Variants in KCNB2 observed in about 807,000 individuals in gnomAD.
The protein encoded by KCNB2 is potassium voltage-gated channel subfamily B member 2.
KCNB2 carries 15 observed loss-of-function variants against 61.5 expected under a neutral mutation model. The observed-to-expected ratio is 0.24, with a 90% CI of 0.16 to 0.38. KCNB2 has a LOEUF of 0.38. Ranked by LOEUF, KCNB2 falls within the 10% of genes least tolerant of loss-of-function variation. The pLI is 1.00. For synonymous variants in KCNB2, 457 were observed against 446.0 expected (o/e 1.02, Z -0.31); for missense variants, 828 against 1,125.2 (o/e 0.74, Z 3.78).
In KCNB2 at chr8:72,785,726, C is replaced by T. The variant is rs1056017152; in HGVS notation, c.580-150209C>T. Among the ~76,000 whole-genome samples, 6 of 152,140 alleles carry T rather than the reference C, an allele frequency of 3.9e-5. 1 individual carries two copies. In the South Asian group the frequency reaches 1.2e-3, roughly 32 times the overall value. On this transcript the variant is annotated intron_variant, in intron 2 of 2. Transcript: ENST00000523207. ...TATATTGTCTTCTCAAGCAAAGTAA[C>T]TTTGTCTCCATAAATCCGTTTTTCC... is the stretch of plus-strand genomic sequence containing the variant.
intron 2 of KCNB2, among the ~76,000 whole-genome samples, chr8:72,873,162 A>AT (rs1160527243): frequency 6.6e-6 from 1 of 152,168 alleles, no homozygotes; most frequent in Admixed American, 6.5e-5. Flanking sequence ...TTGTCTTCAA[A>AT]TCCCTCATTC....
intron 2 of KCNB2, among the ~76,000 whole-genome samples, chr8:72,727,722 A>C (rs951320788): frequency 1.3e-5 from 2 of 152,218 alleles, no homozygotes; most frequent in Non-Finnish European, 2.9e-5. Context: ...ACACAAATTC[A>C]TAGTACAATA....
At chr8:72,908,382 C>T (rs1806220717) in intron 2 of KCNB2, among the ~76,000 whole-genome samples, 2 of 152,110 alleles carry the variant, frequency 1.3e-5, no homozygotes, top group African/African-American at 4.8e-5. Flanking sequence ...TTACTATTAT[C>T]TATCTCCCCA....
intron 2 of KCNB2, among the ~76,000 whole-genome samples, chr8:72,668,526 A>T (rs1806515023): frequency 6.6e-6 from 1 of 152,102 alleles, no homozygotes; most frequent in South Asian, 2.1e-4. Context: ...TTAATCCTTT[A>T]CTGCACACTC....
At chr8:72,726,997 G>C (rs1807661470) in intron 2 of KCNB2, among the ~76,000 whole-genome samples, 1 of 152,112 alleles carries the variant, frequency 6.6e-6, no homozygotes, top group Admixed American at 6.5e-5. Context: ...CTCTCTATTT[G>C]CCTCTCTTTC....
At chr8:72,667,734 A>C (rs1379355409) in intron 2 of KCNB2, among the ~76,000 whole-genome samples, 6 of 152,124 alleles carry the variant, frequency 3.9e-5, no homozygotes, top group Non-Finnish European at 8.8e-5. Context: ...ATGCTTCCAC[A>C]CTTACCCAGT....
At chr8:72,922,785 G>C (rs911551464) in intron 2 of KCNB2, among the ~76,000 whole-genome samples, 2 of 152,078 alleles carry the variant, frequency 1.3e-5, no homozygotes, top group Admixed American at 1.3e-4. Context: ...TTTCCCAAAG[G>C]GATCTGTAAA....
At chr8:72,543,915 C>T (rs117647640) in intron 1 of KCNB2, among the ~76,000 whole-genome samples, 3,041 of 152,296 alleles carry the variant, frequency 0.02, 46 homozygotes, top group Non-Finnish European at 0.031. Flanking sequence ...AAGCTGAGCA[C>T]TCTATGTTTT....
intron 2 of KCNB2, among the ~76,000 whole-genome samples, chr8:72,829,785 T>C (rs1809659929): frequency 6.6e-6 from 1 of 152,122 alleles, no homozygotes. Flanking sequence ...GACTGGATCA[T>C]TTGAAATAAG....
Position 72,891,464 on chromosome 8 carries a change from A to G in KCNB2, c.580-44471A>G, listed in dbSNP as rs532400287. ...GACATGCTTATACAATTAGGAATGG[A>G]CCAGGGTCATATGAGGCAGTTCTCT... On this transcript the variant is annotated intron_variant, in intron 2 of 2. Coordinates refer to ENST00000523207, the MANE Select transcript of KCNB2 (RefSeq NM_004770.3). Among the ~76,000 whole-genome samples the G allele has an allele frequency of 2.0e-5, 3 of 152,344 alleles. No homozygotes were observed. The East Asian group carries it at 5.8e-4, about 29-fold the overall frequency.
chr8:72,759,379 A>C (rs901001984), intron 2 of KCNB2, among the ~76,000 whole-genome samples: 9 of 152,226 alleles, frequency 5.9e-5, no homozygotes, highest in Non-Finnish European at 1.2e-4. Context: ...ACCCCTGGGT[A>C]ATCTGGGAAG....
intron 2 of KCNB2, among the ~76,000 whole-genome samples, chr8:72,853,071 T>C (rs961333179): frequency 1.4e-4 from 22 of 152,228 alleles, no homozygotes; most frequent in Non-Finnish European, 1.5e-5. Context: ...TAGGTTTGAC[T>C]CCAAAGCATA....
chr8:72,931,168 G>T (rs1310407856), intron 2 of KCNB2, among the ~76,000 whole-genome samples: 3 of 152,070 alleles, frequency 2.0e-5, no homozygotes, highest in Admixed American at 6.5e-5. Flanking sequence ...TCTCTGTTTT[G>T]GTACCAGTAC....
chr8:72,932,425 C>T (rs1028242132), intron 2 of KCNB2, among the ~76,000 whole-genome samples: 5 of 152,132 alleles, frequency 3.3e-5, no homozygotes, highest in African/African-American at 1.2e-4. Context: ...GGTGGTTACC[C>T]TTGTCTCCTG....
chr8:72,729,398 G>T (rs1387843678), intron 2 of KCNB2, among the ~76,000 whole-genome samples: 1 of 152,148 alleles, frequency 6.6e-6, no homozygotes, highest in Non-Finnish European at 1.5e-5. Context: ...CAAACTCACA[G>T]GGAGGCCAAT....
chr8:72,749,118 A>G (rs1165296558), intron 2 of KCNB2, among the ~76,000 whole-genome samples: 1 of 151,696 alleles, frequency 6.6e-6, no homozygotes. Context: ...TTTCGTTTTC[A>G]TTTTATTTAT....
At chr8:72,930,071 T>C (rs937546267) in intron 2 of KCNB2, among the ~76,000 whole-genome samples, 2 of 151,570 alleles carry the variant, frequency 1.3e-5, no homozygotes, top group East Asian at 1.9e-4. Context: ...GTCCTTACAA[T>C]AGTTTGCTGA....
intron 2 of KCNB2, among the ~76,000 whole-genome samples, chr8:72,571,207 T>A (rs983293345): frequency 2.6e-5 from 4 of 152,230 alleles, no homozygotes; most frequent in African/African-American, 9.6e-5. Flanking sequence ...AAGTAATAAT[T>A]GTTCAGCCCA....
chr8:72,815,052 T>C (rs1809370896), intron 2 of KCNB2, among the ~76,000 whole-genome samples: 1 of 152,160 alleles, frequency 6.6e-6, no homozygotes, highest in Non-Finnish European at 1.5e-5. Flanking sequence ...GAAGAAGAAG[T>C]TGCAAAAATA....
Sources: allele counts gnomAD v4.1 joint callset (sites outside exome capture counted in the v4.1 genomes callset), GRCh38; gene constraint gnomAD v4.1.1; transcripts MANE v1.5; gene names NCBI Gene and HGNC (gene_info 2026-07-23, HGNC 2026-07-21).